The following CNTN5 variants were observed in gnomAD, a reference collection of about 807,000 sequenced individuals.
CNTN5 encodes contactin 5, also known as contactin-5.
In CNTN5, 77 loss-of-function variants were observed where a neutral mutation model predicts 129.1. The ratio of observed to expected loss-of-function variants is 0.60; its 90% CI spans 0.50 to 0.72. The LOEUF (loss-of-function observed/expected upper bound fraction) is 0.72, where lower values mean the gene tolerates loss of function less well. CNTN5 is among the 30% of genes least tolerant of loss of function. The probability of loss-of-function intolerance (pLI) is 0.00; values close to 1 mark genes in which losing one functional copy is unlikely to be tolerated. For synonymous variants in CNTN5, 509 were observed against 465.6 expected, an observed-to-expected ratio of 1.09 and a Z score of -1.20; for missense variants, 1,478 against 1,328.8, an observed-to-expected ratio of 1.11 and a Z score of -1.75.
At chr11:99,988,445 C>T (rs1938834603) in intron 8 of CNTN5, among the ~76,000 whole-genome samples, 1 of 151,060 alleles carries the variant, frequency 6.6e-6, no homozygotes, top group Non-Finnish European at 1.5e-5. Context: ...GTAAGAAACT[C>T]TTTGGAGGGA....
chr11:100,065,884 C>T (rs145442864), intron 10 of CNTN5, among the ~76,000 whole-genome samples: 36 of 151,940 alleles, frequency 2.4e-4, no homozygotes, highest in African/African-American at 7.5e-4. Context: ...TGTTTATGTA[C>T]GTTAGGTCTG....
intron 3 of CNTN5, among the ~76,000 whole-genome samples, chr11:99,661,757 C>T (rs1203087180): frequency 6.6e-6 from 1 of 151,672 alleles, no homozygotes; most frequent in Non-Finnish European, 1.5e-5. Flanking sequence ...TTAAAATAAC[C>T]CCAGTTATTA....
At chr11:99,870,716 G>C (rs1196361501) in intron 6 of CNTN5, among the ~76,000 whole-genome samples, 1 of 152,012 alleles carries the variant, frequency 6.6e-6, no homozygotes, top group East Asian at 1.9e-4. Flanking sequence ...AGCTGCCTTA[G>C]GAATTAAAAA....
At chr11:99,401,706 T>C (rs1216763588) in intron 2 of CNTN5, among the ~76,000 whole-genome samples, 1 of 152,168 alleles carries the variant, frequency 6.6e-6, no homozygotes. Context: ...ATTCTTCCAA[T>C]CCGTGAACAT....
chr11:100,316,309 G>C (rs1951571276), intron 21 of CNTN5, among the ~76,000 whole-genome samples: 1 of 152,134 alleles, frequency 6.6e-6, no homozygotes, highest in African/African-American at 2.4e-5. Flanking sequence ...CATTTATTCA[G>C]TATCGGGCAC....
chr11:99,111,950 A>G (rs974514098), intron 1 of CNTN5, among the ~76,000 whole-genome samples: 1 of 152,066 alleles, frequency 6.6e-6, no homozygotes, highest in Non-Finnish European at 1.5e-5. Flanking sequence ...CAGTTCACTA[A>G]GCATATTATT....
intron 2 of CNTN5, among the ~76,000 whole-genome samples, chr11:99,385,777 T>A (rs890177582): frequency 6.6e-6 from 1 of 152,090 alleles, no homozygotes; most frequent in Non-Finnish European, 1.5e-5. Flanking sequence ...TCGTCAGAGA[T>A]CCCATTTTCC....
At position 100,341,187 on chromosome 11, in the gene CNTN5, T is replaced by C. The variant is rs1295918516; in HGVS notation, c.3012T>C (p.Ser1004=). The change falls in exon 23 of 25, where the codon TCT becomes TCC. Residue 1004 remains serine (S), a synonymous_variant. Coordinates refer to ENST00000524871, the MANE Select transcript of CNTN5 (RefSeq NM_014361.4). ...WEPVIPLANE[S]EVVGYKVFYR... ...CCGTCATACCATTAGCCAACGAATC[T>C]GAAGTTGTGGGTTACAAGGTCAGTA... 6.2e-7 allele frequency: 1 copy of C among 1,613,352 alleles called. No homozygotes were observed. Among genetic ancestry groups the C allele is most frequent in the Non-Finnish European group, 8.5e-7 (1 of 1,179,330 alleles).
intron 2 of CNTN5, among the ~76,000 whole-genome samples, chr11:99,483,396 G>A (rs1002204834): frequency 3.1e-4 from 47 of 152,136 alleles, no homozygotes; most frequent in African/African-American, 1.1e-3. Context: ...GGAGTTGTGC[G>A]CATGCTCACT....
intron 2 of CNTN5, among the ~76,000 whole-genome samples, chr11:99,336,320 T>C (rs1866222357): frequency 6.6e-6 from 1 of 152,210 alleles, no homozygotes; most frequent in Non-Finnish European, 1.5e-5. Flanking sequence ...TTGAATGGCA[T>C]GGCCTCAAAC....
chr11:99,373,678 A>ATTCCAGCC (rs1252299401), intron 2 of CNTN5, among the ~76,000 whole-genome samples: 2 of 137,208 alleles, frequency 1.5e-5, no homozygotes, highest in Non-Finnish European at 3.1e-5. Flanking sequence ...GCGCCACTGC[A>ATTCCAGCC]TTCCAGCCTG....
chr11:99,899,797 A>T (rs919487622), intron 6 of CNTN5, among the ~76,000 whole-genome samples: 6 of 152,032 alleles, frequency 3.9e-5, no homozygotes, highest in African/African-American at 9.7e-5. Context: ...TAGTTTTAGT[A>T]AGGTTGGTAC....
At chr11:99,971,571 A>G (rs1005463072) in intron 8 of CNTN5, among the ~76,000 whole-genome samples, 10 of 151,554 alleles carry the variant, frequency 6.6e-5, no homozygotes, top group Non-Finnish European at 1.5e-4. Context: ...CAAACAAACA[A>G]AAAACTCTAC....
chr11:99,277,143 T>G (rs1426565619), intron 1 of CNTN5, among the ~76,000 whole-genome samples: 1 of 151,656 alleles, frequency 6.6e-6, no homozygotes, highest in Non-Finnish European at 1.5e-5. Context: ...TTGTGCTAGG[T>G]GCTGAGGGAG....
chr11:99,460,852 C>T (rs910956081), intron 2 of CNTN5, among the ~76,000 whole-genome samples: 5 of 151,964 alleles, frequency 3.3e-5, no homozygotes, highest in African/African-American at 9.7e-5. Context: ...ACATATACCT[C>T]CCAAACGATC....
chr11:99,675,976 G>A (rs1031126713), intron 3 of CNTN5, among the ~76,000 whole-genome samples: 2 of 151,980 alleles, frequency 1.3e-5, no homozygotes, highest in Admixed American at 1.3e-4. Flanking sequence ...TAGATATTAT[G>A]ATTTTCACTA....
intron 9 of CNTN5, among the ~76,000 whole-genome samples, chr11:100,054,853 T>C (rs1275922943): frequency 6.6e-6 from 1 of 151,660 alleles, no homozygotes; most frequent in Non-Finnish European, 1.5e-5. Context: ...GGTAACAATT[T>C]TGTACTTTTC....
At position 99,844,890 on chromosome 11, in the gene CNTN5, G is replaced by T. The variant is rs1342425370; in HGVS notation, c.316G>T (p.Asp106Tyr). The change falls in exon 5 of 25, where the codon GAT (aspartate) becomes TAT (tyrosine). Residue 106 changes from aspartate to tyrosine, a missense_variant. Physicochemically the swap from Asp to Tyr is radical, Grantham distance 160. Transcript: ENST00000524871. ...DYGPVFVQEP[D>Y]DIIFPTDSDE... ...TGGGCCAGTTTTTGTGCAAGAACCA[G>T]ATGATATTATTTTTCCAACTGATTC... 1 of 1,613,626 alleles carries T rather than the reference G, an allele frequency of 6.2e-7. No homozygotes were observed. Among genetic ancestry groups the T allele is most frequent in the Non-Finnish European group, 8.5e-7 (1 of 1,179,706 alleles).
In CNTN5 at chr11:100,215,844, T is replaced by A. The variant is rs562154371; in HGVS notation, c.1885-8848T>A. 4.6e-5 allele frequency among the ~76,000 whole-genome samples: 7 copies of A among 152,150 alleles called. No individual in the cohort carries two copies. In the South Asian group the frequency reaches 1.5e-3, roughly 32 times the overall value. On this transcript the variant is annotated intron_variant, in intron 15 of 24. Transcript: ENST00000524871. ...GGAAGGAATAAAAGGCAAAATAATA[T>A]GCAAATTGGTCATTAATCAATGAGA...
Sources: gnomAD v4.1 joint callset for allele counts (sites outside exome capture counted in the v4.1 genomes callset) on GRCh38, gnomAD v4.1.1 for gene constraint, MANE v1.5 for transcripts, NCBI Gene and HGNC (gene_info 2026-07-23, HGNC 2026-07-21) for gene names.